The following WDR72 variants were observed in gnomAD, a reference collection of about 807,000 sequenced individuals.
WDR72 encodes the protein WD repeat-containing protein 72.
WDR72 carries 120 observed loss-of-function variants against 124.2 expected under a neutral mutation model. The observed-to-expected ratio is 0.97, with a 90% confidence interval of 0.83 to 1.12. The LOEUF is 1.12. Ranked by LOEUF, WDR72 falls within the 50% of genes most tolerant of loss-of-function variation. The pLI is 0.00. For synonymous variants in WDR72, 452 were observed against 441.7 expected (o/e 1.02, Z -0.29); for missense variants, 1,387 against 1,278.8 (o/e 1.08, Z -1.29).
At chr15:53,580,074 C>T (rs927051918) in intron 18 of WDR72, among the ~76,000 whole-genome samples, 1 of 152,040 alleles carries the variant, frequency 6.6e-6, no homozygotes, top group Admixed American at 6.6e-5. Flanking sequence ...CCCAAGATAG[C>T]TGCCCACATG....
intron 14 of WDR72, among the ~76,000 whole-genome samples, chr15:53,654,934 C>T (rs936122987): frequency 1.3e-5 from 2 of 151,874 alleles, no homozygotes; most frequent in Non-Finnish European, 1.5e-5. Flanking sequence ...AATAAAGATA[C>T]GCTTAAGAGA....
chr15:53,739,341 C>T (rs1007854049), intron 1 of WDR72, among the ~76,000 whole-genome samples: 87 of 152,160 alleles, frequency 5.7e-4, no homozygotes, highest in African/African-American at 2.0e-3. Context: ...GCAAATTGGC[C>T]TACATCTCTA....
intron 18 of WDR72, among the ~76,000 whole-genome samples, chr15:53,529,164 A>ATATATATATT (rs59003623): frequency 2.6e-5 from 2 of 78,158 alleles, no homozygotes; most frequent in South Asian, 3.8e-4. Flanking sequence ...ATATATATAT[A>ATATATATATT]TTTTTTTTTT....
In WDR72 at chr15:53,631,577, G is replaced by A. The variant is rs185268933; in HGVS notation, c.1963-15334C>T. ...CTCAGAAGAAGACAGGAAGATGAGGGAAAATTTAGAATTTCCCAGAAATTG... is the reference window on the plus strand; with the variant it reads ...CTCAGAAGAAGACAGGAAGATGAGGAAAAATTTAGAATTTCCCAGAAATTG... On this transcript the variant is annotated intron_variant, in intron 14 of 19. Transcript: ENST00000360509. Among the ~76,000 whole-genome samples, 396 of 152,314 alleles carry A rather than the reference G, an allele frequency of 2.6e-3. 3 individuals are homozygous for A. The highest frequency in any genetic ancestry group is 9.2e-3 in the African/African-American group (383 of 41,564).
At chr15:53,547,263 G>T (rs1032369789) in intron 18 of WDR72, among the ~76,000 whole-genome samples, 3 of 152,208 alleles carry the variant, frequency 2.0e-5, no homozygotes, top group African/African-American at 7.2e-5. Flanking sequence ...CTCCCGAGTT[G>T]CCGGGATTAC....
intron 14 of WDR72, among the ~76,000 whole-genome samples, chr15:53,645,775 T>A (rs982769093): frequency 4.0e-4 from 61 of 152,316 alleles, no homozygotes; most frequent in African/African-American, 1.1e-3. Context: ...ATCAGCTTTA[T>A]ATTCTTTAAC....
At chr15:53,544,378 A>T (rs1218042520) in intron 18 of WDR72, among the ~76,000 whole-genome samples, 1 of 110,756 alleles carries the variant, frequency 9.0e-6, no homozygotes, top group Non-Finnish European at 1.8e-5. Flanking sequence ...AATAAATGTA[A>T]TCCAGCATAT....
upstream of WDR72, chr15:53,762,643 C>T (rs2019080085): frequency 6.6e-6 from 1 of 152,274 alleles, no homozygotes; most frequent in African/African-American, 2.4e-5. Context: ...CCCAAGCCTT[C>T]ATCCTACCTC....
intron 14 of WDR72, among the ~76,000 whole-genome samples, chr15:53,657,807 G>A (rs527487566): frequency 1.3e-5 from 2 of 152,266 alleles, no homozygotes; most frequent in South Asian, 4.1e-4. Flanking sequence ...AGAAATCACG[G>A]TTGCCTATCA....
chr15:53,732,492 A>G (rs2018230989), intron 2 of WDR72, among the ~76,000 whole-genome samples: 1 of 152,198 alleles, frequency 6.6e-6, no homozygotes, highest in East Asian at 1.9e-4. Flanking sequence ...GAAGGATGAC[A>G]ATAGTAAATT....
At chr15:53,566,153 CACTA>C (rs1298823429) in intron 18 of WDR72, among the ~76,000 whole-genome samples, 1 of 151,978 alleles carries the variant, frequency 6.6e-6, no homozygotes, top group Non-Finnish European at 1.5e-5. Flanking sequence ...CCTATAACCA[CACTA>C]ACTGTTATTA....
rs540627582 is a variant in WDR72, at chr15:53,575,756, T to C, written c.3148+21323A>G. The stretch of plus-strand genomic sequence containing the variant: ...GAGAATGGTAATCTGAGGTTGAGTA[T>C]TGATGTCCATAATTGAATTAGTGTT... On this transcript the variant is annotated intron_variant, in intron 18 of 19. Transcript: ENST00000360509. Among the ~76,000 whole-genome samples the C allele has an allele frequency of 5.3e-5, 8 of 152,196 alleles. No individual in the cohort carries two copies. The East Asian group carries it at 9.6e-4, about 18-fold the overall frequency.
intron 11 of WDR72, 146 bp downstream of exon 11, chr15:53,704,842 A>G (rs1408449792): frequency 2.4e-6 from 2 of 829,956 alleles, no homozygotes; most frequent in African/African-American, 1.7e-5. Flanking sequence ...ACCTATATGT[A>G]TGTTTTACTT....
At position 53,647,298 on chromosome 15, in the gene WDR72, G is replaced by A. The variant is rs530674341; in HGVS notation, c.1962+18274C>T. On this transcript the variant is annotated intron_variant, in intron 14 of 19. Coordinates refer to ENST00000360509, the MANE Select transcript of WDR72 (RefSeq NM_182758.4). ...AAAGTAAGATAAGCAAAGGACATTT[G>A]AAAGAGATTCATTACTTAAAAATAG... Among the ~76,000 whole-genome samples, 8 of 152,088 alleles carry A rather than the reference G, an allele frequency of 5.3e-5. 1 individual carries two copies. In the East Asian group the frequency reaches 1.5e-3, roughly 29 times the overall value.
At chr15:53,545,246 T>G (rs1312606177) in intron 18 of WDR72, among the ~76,000 whole-genome samples, 1 of 151,678 alleles carries the variant, frequency 6.6e-6, no homozygotes, top group Non-Finnish European at 1.5e-5. Flanking sequence ...GGCATCACAC[T>G]ACCTGACTTC....
intron 14 of WDR72, among the ~76,000 whole-genome samples, chr15:53,623,479 T>TTATA (rs139646158): frequency 0.048 from 7,161 of 149,422 alleles, 212 homozygotes; most frequent in African/African-American, 0.08. Flanking sequence ...TAGCATTATA[T>TTATA]TATATATATA....
chr15:53,649,664 A>T (rs1019232617), intron 14 of WDR72, among the ~76,000 whole-genome samples: 1 of 152,210 alleles, frequency 6.6e-6, no homozygotes, highest in Non-Finnish European at 1.5e-5. Flanking sequence ...ACAAATGGTC[A>T]AGAAATATAT....
In WDR72 at chr15:53,709,572, T is replaced by C. The variant is rs185775628; in HGVS notation, c.954+1285A>G. 3.3e-5 allele frequency among the ~76,000 whole-genome samples: 5 copies of C among 152,306 alleles called. No individual in the cohort carries two copies. The East Asian group carries it at 7.7e-4, about 24-fold the overall frequency. ...GCAAACTGTGCTTTGTAAAAATGCA[T>C]TCAAAGCTAAGGAGGAAAGACCAGA... On this transcript the variant is annotated intron_variant, in intron 9 of 19. Coordinates refer to ENST00000360509, the MANE Select transcript of WDR72 (RefSeq NM_182758.4).
At chr15:53,637,560 T>C (rs1188325912) in intron 14 of WDR72, among the ~76,000 whole-genome samples, 1 of 152,194 alleles carries the variant, frequency 6.6e-6, no homozygotes, top group Non-Finnish European at 1.5e-5. Flanking sequence ...AGTCAAGTTC[T>C]TTTTTCCTTT....
Sources: gnomAD v4.1 joint callset for allele counts (sites outside exome capture counted in the v4.1 genomes callset) on GRCh38, gnomAD v4.1.1 for gene constraint, MANE v1.5 for transcripts, NCBI Gene and HGNC (gene_info 2026-07-23, HGNC 2026-07-21) for gene names.